The following ACAA1 variants were observed in gnomAD, a reference collection of about 807,000 sequenced individuals.
ACAA1 encodes the protein acetyl-CoA acyltransferase 1.
A neutral mutation model predicts 48.8 loss-of-function variants in ACAA1; 44 were observed. The ratio of observed to expected loss-of-function variants is 0.90; its 90% CI spans 0.71 to 1.16. ACAA1 has a LOEUF of 1.16. Among genes scored for constraint, ACAA1 ranks in the 50% most tolerant of loss-of-function variants. The pLI, the probability that ACAA1 is intolerant of heterozygous loss-of-function variation, is 0.00. For missense variants in ACAA1, 512 were observed against 562.3 expected (o/e 0.91, Z 0.90); for synonymous variants, 233 against 226.5 (o/e 1.03, Z -0.26).
chr3:38,132,192 A>C, intron 3 of ACAA1, 187 bp from the exon 4 acceptor site: 2 of 469,530 alleles, frequency 4.3e-6, no homozygotes, highest in Non-Finnish European at 7.9e-6. Flanking sequence ...GGCAGACCCC[A>C]TCTCTGCAGG....
Position 38,122,746 on chromosome 3 carries a change from A to C in ACAA1, c.*301T>G. On this transcript the variant is annotated 3_prime_UTR_variant, in exon 12 of 12. Transcript: ENST00000333167. ...CATGCACTTTTACTATGCCCATTGC[A>C]CTTCTCATCCATGGATTTGCCTTGC... 1.6e-6 allele frequency: 2 copies of C among 1,284,782 alleles called. No homozygotes were observed. The highest frequency in any genetic ancestry group is 2.8e-4 in the Middle Eastern group (1 of 3,584). The allele number at this position is 1,284,782 out of a possible 1,614,324, so 79.6% of individuals were successfully genotyped here. A position where few individuals can be genotyped will look rare whatever the true frequency, so the allele number is the denominator to read the frequency against.
chr3:38,134,797 AAAGCCTGGGTATTTGTCCAAGG>A (rs1700856568), intron 2 of ACAA1, among the ~76,000 whole-genome samples: 1 of 152,200 alleles, frequency 6.6e-6, no homozygotes, highest in Non-Finnish European at 1.5e-5. Context: ...TCTGCCCAAG[AAAGCCTGGGTATTTGTCCAAGG>A]TTTCCCCCCA....
At chr3:38,136,144 T>C (rs111454758) in intron 2 of ACAA1, among the ~76,000 whole-genome samples, 10,067 of 152,300 alleles carry the variant, frequency 0.066, 710 homozygotes, top group African/African-American at 0.18. Flanking sequence ...CACATGTTTC[T>C]GTGAGCACAG....
intron 11 of ACAA1, chr3:38,125,086 CAAAT>C (rs1700647374): frequency 6.6e-6 from 1 of 152,454 alleles, no homozygotes. Context: ...ATACTTAATT[CAAAT>C]AAAGACAATA....
chr3:38,125,340 T>A (rs1057023668), intron 11 of ACAA1: 8 of 413,158 alleles, frequency 1.9e-5, no homozygotes, highest in Non-Finnish European at 3.3e-5. Context: ...GAGTAGAACA[T>A]GGAGTTTGAT....
chr3:38,122,934 T>C lies in ACAA1; in HGVS notation c.*113A>G. 1 of 1,101,330 alleles carries C rather than the reference T, an allele frequency of 9.1e-7. No homozygotes were observed. Among genetic ancestry groups the C allele is most frequent in the South Asian group, 1.3e-5 (1 of 75,532 alleles). The allele number at this position is 1,101,330 out of a possible 1,614,324, so 68.2% of individuals were successfully genotyped here. On this transcript the variant is annotated 3_prime_UTR_variant, in exon 12 of 12. Transcript: ENST00000333167. Reference sequence around the variant, plus strand: ...AGTTGAAGTGCCTTGATCTGTCCACTGCCACCACCACCAGTGCTGAGTTTT... The same window carrying C: ...AGTTGAAGTGCCTTGATCTGTCCACCGCCACCACCACCAGTGCTGAGTTTT...
At position 38,136,850 on chromosome 3, in the gene ACAA1, A is replaced by C; in HGVS notation, c.171+15T>G. ...GCGTCTTCCCACACTCGGCGCCCAG[A>C]CCCTCGGGCCTCACCTTGAAGCCGC... On this transcript the variant is annotated intron_variant, in intron 1 of 11. Transcript: ENST00000333167. The C allele has an allele frequency of 1.3e-6, 2 of 1,514,380 alleles. No individual in the cohort carries two copies. Among genetic ancestry groups the C allele is most frequent in the Non-Finnish European group, 1.8e-6 (2 of 1,137,336 alleles). The allele number at this position is 1,514,380 out of a possible 1,614,324, so 93.8% of individuals were successfully genotyped here.
chr3:38,136,939 C>A lies in ACAA1; in HGVS notation c.97G>T (p.Ala33Ser). 6.5e-7 allele frequency: 1 copy of A among 1,543,184 alleles called. No individual in the cohort carries two copies. The highest frequency in any genetic ancestry group is 2.5e-5 in the East Asian group (1 of 40,564). Residue 33 changes from alanine to serine, a missense_variant, in exon 1 of 12, where the codon GCC becomes TCC. Coordinates refer to ENST00000333167, the MANE Select transcript of ACAA1 (RefSeq NM_001607.4). ...ACCACCACCACGTCCGCGGCCGAGG[C>A]CTGCGGGGCACCGCTCAGGCAAGGC... ...AAPCLSGAPQ[A>S]SAADVVVVHG...
chr3:38,125,988 G>A, intron 9 of ACAA1, 107 bp from the exon 10 acceptor site: 1 of 1,549,650 alleles, frequency 6.5e-7, no homozygotes, highest in Non-Finnish European at 8.9e-7. Context: ...TCTTCCAGAA[G>A]GGTGAGCCAA....
intron 11 of ACAA1, chr3:38,124,299 T>C (rs1700625642): frequency 6.6e-6 from 1 of 152,158 alleles, no homozygotes; most frequent in Non-Finnish European, 1.5e-5. Flanking sequence ...CTACGTCTTT[T>C]GATGAGATTG....
rs187561971 is a variant in ACAA1 at position 38,127,700 on chromosome 3, C to T, written c.626+86G>A. 4.6e-4 allele frequency: 657 copies of T among 1,424,376 alleles called. 2 individuals carry two copies. In the African/African-American group the frequency reaches 7.4e-3, roughly 16 times the overall value. The allele number at this position is 1,424,376 out of a possible 1,614,324, so 88.2% of individuals were successfully genotyped here. A position where few individuals can be genotyped will look rare whatever the true frequency, so the allele number is the denominator to read the frequency against. On this transcript the variant is annotated intron_variant, in intron 7 of 11. Coordinates refer to ENST00000333167, the MANE Select transcript of ACAA1 (RefSeq NM_001607.4). ...AGCACTCACTGCCCAGCAGTAACCA[C>T]GAAATGGTGCCACTTCAGACCACTT...
rs1700797646 is a variant in ACAA1 at position 38,131,930 on chromosome 3, T to A, written c.399A>T (p.Ile133=). The change falls in exon 4 of 12, where the codon ATA becomes ATT. Residue 133 remains isoleucine (I), a synonymous_variant. Transcript: ENST00000333167. ...ACCCACCCAGTCATAACTTACCTGC[T>A]ATGCTGGCCACTGCCTGTAGCCCCG... The part of the protein sequence containing the change: ...CSSGLQAVAS[I]AGGIRNGSYD... 5 of 1,613,616 alleles carry A rather than the reference T, an allele frequency of 3.1e-6. No homozygotes were observed. The highest frequency in any genetic ancestry group is 4.2e-6 in the Non-Finnish European group (5 of 1,179,684).
In ACAA1 at chr3:38,125,636, C is replaced by A; in HGVS notation, c.1128G>T (p.Gly376=). 6.3e-7 allele frequency: 1 copy of A among 1,598,640 alleles called. No homozygotes were observed. The highest frequency in any genetic ancestry group is 8.5e-7 in the Non-Finnish European group (1 of 1,171,370). The change falls in exon 11 of 12, where the codon GGG becomes GGT. Residue 376 remains glycine, a synonymous_variant. Transcript: ENST00000333167. ...VNPLGGAVAL[G]HPLGCTGARQ... is the part of the protein sequence containing the mutation. ...GTGCCCCAGTGCAGCCCAGTGGGTG[C>A]CCTAAGGCCACTGCACCCCCCAGGG...
chr3:38,135,737 G>A (rs1700877983), intron 2 of ACAA1, among the ~76,000 whole-genome samples: 1 of 152,034 alleles, frequency 6.6e-6, no homozygotes, highest in Non-Finnish European at 1.5e-5. Context: ...GGGACAAGCA[G>A]GAGACAGATG....
chr3:38,133,834 G>C, intron 3 of ACAA1, 118 bp downstream of exon 3: 1 of 1,008,100 alleles, frequency 9.9e-7, no homozygotes. Context: ...AAGGACTCTC[G>C]TTGCCTCATT....
In ACAA1 at chr3:38,129,880, G is replaced by A. The variant is rs932507039; in HGVS notation, c.447-492C>T. On this transcript the variant is annotated intron_variant, in intron 5 of 11. Coordinates refer to ENST00000333167, the MANE Select transcript of ACAA1 (RefSeq NM_001607.4). This position sits in a 1 kb window ranked among gnomAD's most constrained non-coding sequence, Gnocchi z 5.3. ...CATGAGGCTAACATGGTGAAACCCC[G>A]CCTCTACTAAAAATACAAAACATTA... is the stretch of plus-strand genomic sequence containing the variant. Among the ~76,000 whole-genome samples the A allele has an allele frequency of 9.9e-5, 15 of 152,164 alleles. No individual in the cohort carries two copies. Among genetic ancestry groups the A allele is most frequent in the Admixed American group, 5.9e-4 (9 of 15,284 alleles).
Position 38,125,540 on chromosome 3 carries a change from C to G in ACAA1, c.1199+25G>C, listed in dbSNP as rs768829926. On this transcript the variant is annotated intron_variant, in intron 11 of 11. Transcript: ENST00000333167. Reference sequence around the variant, plus strand: ...CCTAACTTGGATATCCCCCTATGACCCCACCGCCAGGAGCAAAGCCTTACC... The same window carrying G: ...CCTAACTTGGATATCCCCCTATGACGCCACCGCCAGGAGCAAAGCCTTACC... 5.6e-5 allele frequency: 85 copies of G among 1,520,722 alleles called. No homozygotes were observed. In the East Asian group the frequency reaches 1.9e-3, roughly 34 times the overall value. 94.2% of individuals were successfully genotyped at this position (1,520,722 alleles called of 1,614,324 possible). A position where few individuals can be genotyped will look rare whatever the true frequency, so the allele number is the denominator to read the frequency against.
At chr3:38,123,248 C>T (rs970707726) in intron 11 of ACAA1, 126 bp from the exon 12 acceptor site, 63 of 867,078 alleles carry the variant, frequency 7.3e-5, no homozygotes, top group African/African-American at 6.8e-4. Context: ...TGTGGGCAAG[C>T]GGTACCCTGG....
chr3:38,133,031 C>A (rs1293943875), intron 3 of ACAA1, among the ~76,000 whole-genome samples: 1 of 152,148 alleles, frequency 6.6e-6, no homozygotes, highest in Non-Finnish European at 1.5e-5. Flanking sequence ...AATAATAGGG[C>A]AAGAGGGCAA....
Sources: allele counts gnomAD v4.1 joint callset (sites outside exome capture counted in the v4.1 genomes callset), GRCh38; gene constraint gnomAD v4.1.1; non-coding constraint Gnocchi (gnomAD v3.1); transcripts MANE v1.5; gene names NCBI Gene and HGNC (gene_info 2026-07-23, HGNC 2026-07-21).